SPOCK3: variants seen among roughly 807,000 people sequenced by gnomAD.
SPOCK3 encodes SPARC (osteonectin), cwcv and kazal like domains proteoglycan 3, also known as testican-3.
A neutral mutation model predicts 56.6 loss-of-function variants in SPOCK3; 30 were observed. That is an observed-to-expected ratio of 0.53 (90% CI 0.40 to 0.72). The LOEUF (loss-of-function observed/expected upper bound fraction) is 0.72, where lower values mean the gene tolerates loss of function less well. Among genes scored for constraint, SPOCK3 ranks in the 30% least tolerant of loss-of-function variants. The pLI, the probability that SPOCK3 is intolerant of heterozygous loss-of-function variation, is 0.00. For missense variants in SPOCK3, 527 were observed against 530.0 expected (o/e 0.99, Z 0.06); for synonymous variants, 196 against 183.3 (o/e 1.07, Z -0.56).
At chr4:167,225,421 C>G (rs978828912) in intron 2 of SPOCK3, among the ~76,000 whole-genome samples, 2 of 151,958 alleles carry the variant, frequency 1.3e-5, no homozygotes, top group African/African-American at 4.8e-5. Flanking sequence ...GGGAAAGCAT[C>G]AATCCTTTGG....
intron 3 of SPOCK3, among the ~76,000 whole-genome samples, chr4:167,050,638 G>A (rs1754114240): frequency 6.6e-6 from 1 of 152,152 alleles, no homozygotes. Flanking sequence ...AAAGGTGGAT[G>A]TAACATAAGT....
intron 2 of SPOCK3, among the ~76,000 whole-genome samples, chr4:167,151,308 T>C (rs1315913202): frequency 6.6e-6 from 1 of 152,230 alleles, no homozygotes; most frequent in Non-Finnish European, 1.5e-5. Flanking sequence ...TAGGATGACA[T>C]AGGCTAGCAA....
intron 6 of SPOCK3, among the ~76,000 whole-genome samples, chr4:166,842,581 T>A (rs1227685735): frequency 1.3e-5 from 2 of 152,206 alleles, no homozygotes. Flanking sequence ...GAGTGCTGAT[T>A]GGTGTATTTA....
chr4:166,933,108 A>G (rs1189998339), intron 4 of SPOCK3, among the ~76,000 whole-genome samples: 1 of 152,202 alleles, frequency 6.6e-6, no homozygotes, highest in Non-Finnish European at 1.5e-5. Context: ...AATTTCATTA[A>G]TACAATATTA....
At chr4:167,040,883 A>T (rs1314646443) in intron 3 of SPOCK3, among the ~76,000 whole-genome samples, 2 of 152,136 alleles carry the variant, frequency 1.3e-5, no homozygotes. Context: ...GAAATTAAAA[A>T]CCCAACAGGT....
intron 6 of SPOCK3, among the ~76,000 whole-genome samples, chr4:166,864,769 C>CTGAAA (rs1731616819): frequency 6.6e-6 from 1 of 151,988 alleles, no homozygotes; most frequent in African/African-American, 2.4e-5. Context: ...ATAACAAGTT[C>CTGAAA]TGAAATTGAG....
chr4:166,946,064 G>C (rs1741706038), intron 4 of SPOCK3, among the ~76,000 whole-genome samples: 1 of 152,074 alleles, frequency 6.6e-6, no homozygotes, highest in South Asian at 2.1e-4. Context: ...TTATTGGTTA[G>C]GACCATGAAT....
At chr4:166,861,334 C>CTT (rs1053932177) in intron 6 of SPOCK3, among the ~76,000 whole-genome samples, 1 of 151,990 alleles carries the variant, frequency 6.6e-6, no homozygotes, top group Non-Finnish European at 1.5e-5. Flanking sequence ...CTCTCTCTCT[C>CTT]TTTTTTTCTC....
intron 2 of SPOCK3, among the ~76,000 whole-genome samples, chr4:167,098,385 A>G (rs1172974387): frequency 2.0e-5 from 3 of 151,806 alleles, no homozygotes; most frequent in African/African-American, 7.3e-5. Context: ...ATTTTTCTTG[A>G]TTAATTTTTA....
intron 4 of SPOCK3, among the ~76,000 whole-genome samples, chr4:166,954,408 A>AT (rs1334580011): frequency 4.0e-5 from 6 of 151,810 alleles, no homozygotes; most frequent in East Asian, 1.9e-4. Flanking sequence ...TTCCCCTATG[A>AT]TTTTTTTTCT....
intron 2 of SPOCK3, among the ~76,000 whole-genome samples, chr4:167,146,736 G>GA (rs1763993837): frequency 6.6e-6 from 1 of 151,824 alleles, no homozygotes; most frequent in Non-Finnish European, 1.5e-5. Flanking sequence ...AAATTAAGAA[G>GA]AAAAAAAGTT....
Position 167,198,656 on chromosome 4 carries a change from C to T in SPOCK3, c.189+35329G>A, listed in dbSNP as rs183837746. Reference sequence around the variant, plus strand: ...TTTGTGTTTTTCTTTTATTTTGTAACGCTGTTTCAGATCTCTTAGTGTCCA... The same window carrying T: ...TTTGTGTTTTTCTTTTATTTTGTAATGCTGTTTCAGATCTCTTAGTGTCCA... On this transcript the variant is annotated intron_variant, in intron 2 of 10. Coordinates refer to ENST00000357545, the MANE Select transcript of SPOCK3 (RefSeq NM_001040159.2). Among the ~76,000 whole-genome samples, 81 of 152,114 alleles carry T rather than the reference C, an allele frequency of 5.3e-4. 1 individual carries two copies. The highest frequency in any genetic ancestry group is 1.4e-3 in the African/African-American group (60 of 41,496).
At chr4:166,827,756 C>T (rs1256491123) in intron 6 of SPOCK3, among the ~76,000 whole-genome samples, 1 of 151,172 alleles carries the variant, frequency 6.6e-6, no homozygotes, top group East Asian at 2.0e-4. Flanking sequence ...GTTCCCCATA[C>T]ATTACAGCAT....
At chr4:166,775,866 C>T (rs35743573) in intron 7 of SPOCK3, among the ~76,000 whole-genome samples, 3,075 of 152,130 alleles carry the variant, frequency 0.02, 50 homozygotes, top group Middle Eastern at 0.041. Flanking sequence ...GTGGGGCACA[C>T]GCATGAAGAA....
chr4:167,007,291 A>G (rs1340853506), intron 3 of SPOCK3, among the ~76,000 whole-genome samples: 2 of 152,142 alleles, frequency 1.3e-5, no homozygotes, highest in African/African-American at 2.4e-5. Context: ...CTTATATAAA[A>G]TGGTGTAGTA....
intron 6 of SPOCK3, among the ~76,000 whole-genome samples, chr4:166,795,669 G>A (rs1345860076): frequency 6.7e-6 from 1 of 150,160 alleles, no homozygotes; most frequent in Non-Finnish European, 1.5e-5. Flanking sequence ...TATTAATAAA[G>A]TTGATATATT....
At chr4:167,112,303 C>G (rs1374102388) in intron 2 of SPOCK3, among the ~76,000 whole-genome samples, 1 of 152,066 alleles carries the variant, frequency 6.6e-6, no homozygotes, top group Non-Finnish European at 1.5e-5. Flanking sequence ...CTAAAAATGA[C>G]TCTTCTAAAA....
At chr4:166,788,261 A>G (rs1410783676) in intron 7 of SPOCK3, among the ~76,000 whole-genome samples, 1 of 152,162 alleles carries the variant, frequency 6.6e-6, no homozygotes. Context: ...GTAGATGACA[A>G]GCTTTATTTC....
chr4:166,866,326 C>T (rs1416317622), intron 6 of SPOCK3, among the ~76,000 whole-genome samples: 1 of 152,108 alleles, frequency 6.6e-6, no homozygotes, highest in African/African-American at 2.4e-5. Flanking sequence ...ACCATAAAAA[C>T]CCTAGAAGAA....
Sources: gnomAD v4.1 joint callset for allele counts (sites outside exome capture counted in the v4.1 genomes callset) on GRCh38, gnomAD v4.1.1 for gene constraint, MANE v1.5 for transcripts, NCBI Gene and HGNC (gene_info 2026-07-23, HGNC 2026-07-21) for gene names.